BMERB1: variants seen among roughly 807,000 people sequenced by gnomAD.
BMERB1 encodes the protein bMERB domain-containing protein 1.
A neutral mutation model predicts 23.6 loss-of-function variants in BMERB1; 12 were observed. The observed-to-expected ratio is 0.51, with a 90% confidence interval of 0.33 to 0.82. The LOEUF (loss-of-function observed/expected upper bound fraction) is 0.82. Among genes scored for constraint, BMERB1 ranks in the 40% least tolerant of loss-of-function variants. The probability of loss-of-function intolerance (pLI) is 0.03; values close to 1 mark genes in which losing one functional copy is unlikely to be tolerated. For missense variants in BMERB1, 247 were observed against 255.4 expected (o/e 0.97, Z 0.22); for synonymous variants, 122 against 96.6 (o/e 1.26, Z -1.54).
At chr16:15,517,587 A>G (rs1431896259) in intron 2 of BMERB1, among the ~76,000 whole-genome samples, 1 of 149,076 alleles carries the variant, frequency 6.7e-6, no homozygotes, top group East Asian at 2.0e-4. Flanking sequence ...CCCTTTGTTT[A>G]AAAAAAAAAC....
intron 1 of BMERB1, among the ~76,000 whole-genome samples, chr16:15,498,630 G>A (rs115558876): frequency 6.6e-6 from 1 of 150,988 alleles, no homozygotes; most frequent in Admixed American, 6.6e-5. Context: ...GAAAGAGAAA[G>A]GAAGAAAGAG....
intron 2 of BMERB1, among the ~76,000 whole-genome samples, chr16:15,517,660 A>G (rs917184055): frequency 2.2e-5 from 3 of 137,678 alleles, no homozygotes; most frequent in Non-Finnish European, 4.6e-5. Flanking sequence ...ATATATATTT[A>G]TTTTTATTTA....
intron 2 of BMERB1, among the ~76,000 whole-genome samples, chr16:15,537,594 T>C (rs2052037673): frequency 6.6e-6 from 1 of 151,858 alleles, no homozygotes; most frequent in Non-Finnish European, 1.5e-5. Flanking sequence ...CCTCAAATGA[T>C]CCACCCACCT....
At chr16:15,497,922 A>C (rs949397550) in intron 1 of BMERB1, among the ~76,000 whole-genome samples, 4 of 152,170 alleles carry the variant, frequency 2.6e-5, no homozygotes, top group Non-Finnish European at 5.9e-5. Flanking sequence ...CTCAATGCAT[A>C]TCTCTCCAAA....
At chr16:15,543,083 A>AT (rs1200629187) in intron 2 of BMERB1, among the ~76,000 whole-genome samples, 1 of 152,024 alleles carries the variant, frequency 6.6e-6, no homozygotes, top group Non-Finnish European at 1.5e-5. Flanking sequence ...GTGAATACAA[A>AT]TTTTTTATTA....
At chr16:15,456,892 C>T (rs1463456495) in intron 1 of BMERB1, among the ~76,000 whole-genome samples, 1 of 152,204 alleles carries the variant, frequency 6.6e-6, no homozygotes, top group Non-Finnish European at 1.5e-5. Context: ...ATGGCGCAAT[C>T]TCGGCTCACT....
chr16:15,508,113 G>C (rs1490638187), intron 1 of BMERB1, among the ~76,000 whole-genome samples: 2 of 152,146 alleles, frequency 1.3e-5, no homozygotes, highest in Non-Finnish European at 2.9e-5. Flanking sequence ...CCTTTCCTGA[G>C]CCTCGACTTC....
chr16:15,462,517 A>T (rs1292995948), intron 1 of BMERB1, among the ~76,000 whole-genome samples: 1 of 151,972 alleles, frequency 6.6e-6, no homozygotes, highest in African/African-American at 2.4e-5. Context: ...TGACTAGGGG[A>T]CCTGAGTTAA....
intron 1 of BMERB1, among the ~76,000 whole-genome samples, chr16:15,488,644 T>C (rs2051387906): frequency 6.8e-6 from 1 of 147,918 alleles, no homozygotes; most frequent in South Asian, 2.1e-4. Context: ...CCGTCCTGGC[T>C]AACACAGTGA....
At chr16:15,468,968 T>C (rs2051206921) in intron 1 of BMERB1, among the ~76,000 whole-genome samples, 1 of 149,032 alleles carries the variant, frequency 6.7e-6, no homozygotes, top group Non-Finnish European at 1.5e-5. Context: ...CTTCACACTT[T>C]TTTTTTTTTT....
chr16:15,586,860 ACC>A lies in BMERB1; in HGVS notation c.*39_*40del, dbSNP rs35954715. The stretch of plus-strand genomic sequence containing the variant: ...ACGTGGGGTGCCCTGGGCCATGGGG[ACC>A]CCCCCCCACCCTCTTGTCTTTATAG... On this transcript the variant is annotated 3_prime_UTR_variant, in exon 6 of 6. Coordinates refer to ENST00000300006, the MANE Select transcript of BMERB1 (RefSeq NM_033201.3). The A allele has an allele frequency of 4.3e-5, 55 of 1,264,672 alleles. No individual in the cohort carries two copies. In the African/African-American group the frequency reaches 6.7e-4, roughly 15 times the overall value. 78.3% of individuals were successfully genotyped at this position (1,264,672 alleles called of 1,614,324 possible).
At chr16:15,543,433 C>G (rs1015762656) in intron 2 of BMERB1, among the ~76,000 whole-genome samples, 1 of 152,098 alleles carries the variant, frequency 6.6e-6, no homozygotes, top group Non-Finnish European at 1.5e-5. Context: ...GGAGCCCTCA[C>G]CTGGGACCCT....
At chr16:15,558,675 CATA>C (rs1278410616) in intron 2 of BMERB1, among the ~76,000 whole-genome samples, 1 of 151,628 alleles carries the variant, frequency 6.6e-6, no homozygotes, top group Admixed American at 6.6e-5. Context: ...ATATATGTAC[CATA>C]ATGACATATA....
At chr16:15,582,550 T>C (rs891007735) in intron 4 of BMERB1, among the ~76,000 whole-genome samples, 2 of 151,888 alleles carry the variant, frequency 1.3e-5, no homozygotes, top group African/African-American at 4.8e-5. Context: ...CCCCCCTATC[T>C]CTACAATTTT....
At chr16:15,458,186 T>C (rs2051101357) in intron 1 of BMERB1, among the ~76,000 whole-genome samples, 1 of 152,212 alleles carries the variant, frequency 6.6e-6, no homozygotes, top group Non-Finnish European at 1.5e-5. Flanking sequence ...ATGCCTCTTC[T>C]CTTGGCTTTT....
intron 1 of BMERB1, among the ~76,000 whole-genome samples, chr16:15,478,276 C>G (rs926004197): frequency 1.3e-5 from 2 of 152,122 alleles, no homozygotes; most frequent in Admixed American, 6.5e-5. Flanking sequence ...TCTCCTGCCT[C>G]AGCCTCCCAA....
intron 3 of BMERB1, among the ~76,000 whole-genome samples, chr16:15,570,455 G>C (rs1323616513): frequency 6.6e-6 from 1 of 152,164 alleles, no homozygotes; most frequent in East Asian, 1.9e-4. Flanking sequence ...TTTTTGTTGG[G>C]GGTACGGGGC....
chr16:15,534,105 C>A (rs555139496), intron 2 of BMERB1, among the ~76,000 whole-genome samples: 1 of 151,928 alleles, frequency 6.6e-6, no homozygotes, highest in African/African-American at 2.4e-5. Flanking sequence ...TCCCACAGGT[C>A]ATTTGAGGAG....
At chr16:15,580,640 C>T (rs1359242255) in intron 3 of BMERB1, among the ~76,000 whole-genome samples, 5 of 151,680 alleles carry the variant, frequency 3.3e-5, no homozygotes, top group East Asian at 1.9e-4. Context: ...CTCCACCTCC[C>T]GGGTTCATGT....
Sources: gnomAD v4.1 joint callset for allele counts (sites outside exome capture counted in the v4.1 genomes callset) on GRCh38, gnomAD v4.1.1 for gene constraint, MANE v1.5 for transcripts, NCBI Gene and HGNC (gene_info 2026-07-23, HGNC 2026-07-21) for gene names.